FLNB: variants seen among roughly 807,000 people sequenced by gnomAD.
FLNB encodes filamin B.
A neutral mutation model predicts 250.6 loss-of-function variants in FLNB; 111 were observed. The ratio of observed to expected loss-of-function variants is 0.44; its 90% confidence interval spans 0.38 to 0.52. The LOEUF is 0.52. FLNB is among the 20% of genes least tolerant of loss of function. The pLI, the probability that FLNB is intolerant of heterozygous loss-of-function variation, is 0.00. For missense variants in FLNB, 2,869 were observed against 3,447.8 expected (o/e 0.83, Z 4.20); for synonymous variants, 1,302 against 1,372.1 (o/e 0.95, Z 1.13).
chr3:58,081,750 C>T lies in FLNB; in HGVS notation c.761C>T (p.Pro254Leu). The change falls in exon 4 of 46, where the codon CCG becomes CTG. Residue 254 changes from proline to leucine, a missense_variant. By Grantham distance (98) the Pro-to-Leu change is moderately conservative. Coordinates refer to ENST00000295956, the MANE Select transcript of FLNB (RefSeq NM_001457.4). ...PGAPLKPKLNPKKARAYGRGI... is the reference protein window; with the variant it reads ...PGAPLKPKLNLKKARAYGRGI... ...GCTCCTCTCAAACCCAAACTCAACC[C>T]GAAGAAAGCCAGGGCCTATGGCAGA... 5 of 1,614,074 alleles carry T rather than the reference C, an allele frequency of 3.1e-6. No individual in the cohort carries two copies. Among genetic ancestry groups the T allele is most frequent in the East Asian group, 2.2e-5 (1 of 44,882 alleles).
At chr3:58,096,065 A>G in intron 5 of FLNB, 76 bp from the exon 6 acceptor site, 1 of 1,174,562 alleles carries the variant, frequency 8.5e-7, no homozygotes. Flanking sequence ...CAGCTCCTGC[A>G]GAACCCCTGC....
rs1286014609 is a variant in FLNB, at chr3:58,111,316, T to C, written c.2485-475T>C. 2.6e-5 allele frequency among the ~76,000 whole-genome samples: 4 copies of C among 152,344 alleles called. No individual in the cohort carries two copies. In the South Asian group the frequency reaches 6.2e-4, roughly 24 times the overall value. ...TGTTCTGTGCCTAAAGGTAGTGGTCTTGACATCCATTTAACCTCTTCTGCC... is the reference window on the plus strand; with the variant it reads ...TGTTCTGTGCCTAAAGGTAGTGGTCCTGACATCCATTTAACCTCTTCTGCC... On this transcript the variant is annotated intron_variant, in intron 16 of 45. Transcript: ENST00000295956.
At chr3:58,016,277 A>G (rs1376602108) in intron 1 of FLNB, among the ~76,000 whole-genome samples, 2 of 150,724 alleles carry the variant, frequency 1.3e-5, no homozygotes, top group East Asian at 1.9e-4. Context: ...CTGGCCTCGA[A>G]CTCCTGACCT....
chr3:58,078,067 A>C (rs1448317748), intron 2 of FLNB, among the ~76,000 whole-genome samples: 1 of 152,234 alleles, frequency 6.6e-6, no homozygotes, highest in African/African-American at 2.4e-5. Flanking sequence ...GACATACTCA[A>C]AGCAGAACTA....
At position 58,112,197 on chromosome 3, in the gene FLNB, C is replaced by A; in HGVS notation, c.2624C>A (p.Ala875Asp). 6.2e-7 allele frequency: 1 copy of A among 1,614,152 alleles called. No homozygotes were observed. Among genetic ancestry groups the A allele is most frequent in the Non-Finnish European group, 8.5e-7 (1 of 1,180,002 alleles). Reference sequence around the variant, plus strand: ...CACTTCACTGTCTACACCAAGGGGGCTGGGAAAGCCCCGCTCAACGTGCAG... The same window carrying A: ...CACTTCACTGTCTACACCAAGGGGGATGGGAAAGCCCCGCTCAACGTGCAG... ...PTHFTVYTKG[A>D]GKAPLNVQFN... The change falls in exon 18 of 46, where the codon GCT becomes GAT. Residue 875 changes from alanine to aspartate, a missense_variant. By Grantham distance (126) the Ala-to-Asp change is moderately radical (BLOSUM62 -2). This residue lies in a region of FLNB where 1,348 missense variants were observed against 1,466.7 expected (regional missense o/e 0.92). Coordinates refer to ENST00000295956, the MANE Select transcript of FLNB (RefSeq NM_001457.4).
chr3:58,153,730 A>T lies in FLNB; in HGVS notation c.6634+89A>T, dbSNP rs112208738. 4.6e-5 allele frequency: 68 copies of T among 1,474,854 alleles called. 2 individuals are homozygous for T. The African/African-American group carries it at 4.9e-4, about 11-fold the overall frequency. The allele number at this position is 1,474,854 out of a possible 1,614,324, so 91.4% of individuals were successfully genotyped here. On this transcript the variant is annotated intron_variant, in intron 39 of 45. Coordinates refer to ENST00000295956, the MANE Select transcript of FLNB (RefSeq NM_001457.4). ...CCCACATACTTTTTTGCCCCATTTGAAAGAGAAGACTTCTGATAGGTGGCA... is the reference window on the plus strand; with the variant it reads ...CCCACATACTTTTTTGCCCCATTTGTAAGAGAAGACTTCTGATAGGTGGCA...
chr3:58,092,778 A>G (rs1352505331), intron 4 of FLNB, among the ~76,000 whole-genome samples: 1 of 152,168 alleles, frequency 6.6e-6, no homozygotes, highest in Non-Finnish European at 1.5e-5. Context: ...TTTTCCTTCT[A>G]TAGTCTCACA....
chr3:58,038,682 CCTCCCAAAG>C (rs2097141643), intron 1 of FLNB, among the ~76,000 whole-genome samples: 1 of 151,854 alleles, frequency 6.6e-6, no homozygotes. Flanking sequence ...CCTGCCTCAG[CCTCCCAAAG>C]CTCTGGGATT....
chr3:58,010,839 G>C lies in FLNB; in HGVS notation c.292+1983G>C, dbSNP rs551076093. On this transcript the variant is annotated intron_variant, in intron 1 of 45. Coordinates refer to ENST00000295956, the MANE Select transcript of FLNB (RefSeq NM_001457.4). ...ACTTCCAGCACTGTCTCTCATCAGT[G>C]CCCGGGGCTGTGGGTCTCATTCTAG... 4.4e-4 allele frequency among the ~76,000 whole-genome samples: 67 copies of C among 152,136 alleles called. 1 individual carries two copies. The highest frequency in any genetic ancestry group is 1.6e-3 in the African/African-American group (65 of 41,498).
In FLNB at chr3:58,112,461, T is replaced by A. The variant is rs9878310; in HGVS notation, c.2745+143T>A. On this transcript the variant is annotated intron_variant, in intron 18 of 45. Transcript: ENST00000295956. The stretch of plus-strand genomic sequence containing the variant: ...TGATGGGAGGCAGCTCCTGGCACTT[T>A]GAACCCCTCTGGGAGCACCTATAGG... The A allele has an allele frequency of 6.7e-4, 542 of 803,138 alleles. 3 individuals carry two copies. The African/African-American group carries it at 8.4e-3, about 13-fold the overall frequency. 49.8% of individuals were successfully genotyped at this position (803,138 alleles called of 1,614,324 possible). A position where few individuals can be genotyped will look rare whatever the true frequency, so the allele number is the denominator to read the frequency against.
In FLNB at chr3:58,069,232, CTTTTTTTTTT is replaced by C. The variant is rs59689498; in HGVS notation, c.293-7800_293-7791del. 1.4e-4 allele frequency among the ~76,000 whole-genome samples: 12 copies of C among 86,366 alleles called. No homozygotes were observed. The East Asian group carries it at 2.3e-3, about 17-fold the overall frequency. The allele number at this position is 86,366 out of a possible 152,430, so 56.7% of individuals were successfully genotyped here. ...CTGATAAAATATCAGTAGTTCAATT[CTTTTTTTTTT>C]TTTTTTTTTTTTTCTGAGATGGAGT... On this transcript the variant is annotated intron_variant, in intron 1 of 45. Transcript: ENST00000295956.
At chr3:58,067,385 T>C (rs900334016) in intron 1 of FLNB, among the ~76,000 whole-genome samples, 5 of 152,190 alleles carry the variant, frequency 3.3e-5, no homozygotes, top group African/African-American at 1.2e-4. Context: ...ACAGCTTCTT[T>C]GTGATCTTTG....
chr3:58,073,912 G>C (rs780498605), intron 1 of FLNB, among the ~76,000 whole-genome samples: 3 of 152,206 alleles, frequency 2.0e-5, no homozygotes, highest in Non-Finnish European at 4.4e-5. Flanking sequence ...GAGGCCTTCT[G>C]CATAGGCAAT....
intron 4 of FLNB, among the ~76,000 whole-genome samples, chr3:58,084,280 CT>C (rs2097213807): frequency 6.6e-6 from 1 of 152,024 alleles, no homozygotes; most frequent in Non-Finnish European, 1.5e-5. Context: ...GTTATGCTTC[CT>C]TAATGACAAA....
At chr3:58,039,310 T>TA (rs80189625) in intron 1 of FLNB, among the ~76,000 whole-genome samples, 12,152 of 128,258 alleles carry the variant, frequency 0.095, 543 homozygotes, top group African/African-American at 0.12. Flanking sequence ...ATTTGATAGG[T>TA]AAAAAAAAAA....
chr3:58,073,764 C>T (rs891773333), intron 1 of FLNB, among the ~76,000 whole-genome samples: 40 of 152,160 alleles, frequency 2.6e-4, no homozygotes, highest in African/African-American at 9.4e-4. Context: ...AGGAAAAATC[C>T]ACTTCATTCA....
intron 6 of FLNB, among the ~76,000 whole-genome samples, chr3:58,097,104 C>G (rs2097240243): frequency 6.6e-6 from 1 of 152,166 alleles, no homozygotes; most frequent in African/African-American, 2.4e-5. Flanking sequence ...AAGCCCTCAA[C>G]AGCACATAAA....
In FLNB at chr3:58,106,711, G is replaced by T; in HGVS notation, c.1779G>T (p.Lys593Asn). The change falls in exon 12 of 46, where the codon AAG becomes AAT. Residue 593 changes from lysine to asparagine, a missense_variant. This residue lies in a region of FLNB where 1,348 missense variants were observed against 1,466.7 expected (regional missense o/e 0.92). Transcript: ENST00000295956. ...GFAIEGPSQA[K>N]IEYNDQNDGS... ...CCATTGAAGGCCCCTCTCAGGCAAA[G>T]ATTGAGTACAACGACCAGAATGATG... 1 of 1,614,202 alleles carries T rather than the reference G, an allele frequency of 6.2e-7. No individual in the cohort carries two copies. Among genetic ancestry groups the T allele is most frequent in the Non-Finnish European group, 8.5e-7 (1 of 1,180,026 alleles).
intron 1 of FLNB, among the ~76,000 whole-genome samples, chr3:58,034,942 G>A (rs1025407582): frequency 1.3e-5 from 2 of 152,180 alleles, no homozygotes; most frequent in African/African-American, 2.4e-5. Context: ...TATGTCACCT[G>A]CTCACATCTC....
Sources: allele counts gnomAD v4.1 joint callset (sites outside exome capture counted in the v4.1 genomes callset), GRCh38; gene constraint gnomAD v4.1.1; regional missense constraint gnomAD v4.1.1; transcripts MANE v1.5; gene names NCBI Gene and HGNC (gene_info 2026-07-23, HGNC 2026-07-21).